HSPH1: variants seen among roughly 807,000 people sequenced by gnomAD.
The protein encoded by HSPH1 is heat shock protein family H (Hsp110) member 1.
A neutral mutation model predicts 100.0 loss-of-function variants in HSPH1; 40 were observed. The observed-to-expected ratio is 0.40, with a 90% CI of 0.31 to 0.52. The LOEUF is 0.52. HSPH1 is among the 20% of genes least tolerant of loss of function. The pLI, the probability that HSPH1 is intolerant of heterozygous loss-of-function variation, is 0.54. For missense variants in HSPH1, 876 were observed against 1,015.1 expected (o/e 0.86, Z 1.86); for synonymous variants, 403 against 344.0 (o/e 1.17, Z -1.90).
chr13:31,137,046 G>C lies in HSPH1; in HGVS notation c.*272C>G. The C allele has an allele frequency of 1.7e-6, 1 of 583,594 alleles. No homozygotes were observed. The highest frequency in any genetic ancestry group is 3.2e-6 in the Non-Finnish European group (1 of 309,428). The allele number at this position is 583,594 out of a possible 1,614,324, so 36.2% of individuals were successfully genotyped here. On this transcript the variant is annotated 3_prime_UTR_variant, in exon 18 of 18. Coordinates refer to ENST00000320027, the MANE Select transcript of HSPH1 (RefSeq NM_006644.4). ...TTTTTTCTCCAAAAGACAAAAGTCA[G>C]TTTCATCCTCAGTGATGCAAATGGT...
chr13:31,148,240 TTTGG>T, intron 9 of HSPH1, 130 bp downstream of exon 9: 1 of 1,080,424 alleles, frequency 9.3e-7, no homozygotes, highest in Non-Finnish European at 1.4e-6. Context: ...TTTTGGTAGA[TTTGG>T]TTGTTCAAAG....
At chr13:31,160,659 G>C (rs903779818) in intron 1 of HSPH1, among the ~76,000 whole-genome samples, 1 of 152,126 alleles carries the variant, frequency 6.6e-6, no homozygotes, top group Non-Finnish European at 1.5e-5. Context: ...ATTTAGTTCA[G>C]TGACGACATC....
chr13:31,160,299 T>C (rs1024392536), intron 1 of HSPH1, among the ~76,000 whole-genome samples: 1 of 152,142 alleles, frequency 6.6e-6, no homozygotes, highest in Admixed American at 6.5e-5. Context: ...TCTGCAGGGG[T>C]AGACGTACAG....
intron 6 of HSPH1, 160 bp from the exon 7 acceptor site, chr13:31,151,351 A>G (rs1956480474): frequency 1.3e-6 from 1 of 752,894 alleles, no homozygotes; most frequent in Non-Finnish European, 2.1e-6. Flanking sequence ...TCTCTAAGAT[A>G]TTTTTGACTT....
chr13:31,162,089 T>C (rs774288097), upstream of HSPH1: 1 of 1,536,116 alleles, frequency 6.5e-7, no homozygotes, highest in South Asian at 1.2e-5. Context: ...CGGCCGCCGT[T>C]GCCATGGCAG....
chr13:31,150,042 A>G lies in HSPH1; in HGVS notation c.1049T>C (p.Val350Ala). 1 of 1,613,838 alleles carries G rather than the reference A, an allele frequency of 6.2e-7. No individual in the cohort carries two copies. The highest frequency in any genetic ancestry group is 8.5e-7 in the Non-Finnish European group (1 of 1,179,830). ...IVGGATRIPA[V>A]KERIAKFFGK... is the part of the protein sequence containing the mutation. ...AAAGAATTTGGCAATTCTTTCCTTC[A>G]CAGCTGGAATTCGTGTAGCGCCTCC... Residue 350 changes from valine (V) to alanine (A), a missense_variant, in exon 8 of 18, where the codon GTG becomes GCG. Coordinates refer to ENST00000320027, the MANE Select transcript of HSPH1 (RefSeq NM_006644.4).
rs1427873244 is a variant in HSPH1 at position 31,136,241 on chromosome 13, A to G, written c.*1077T>C. On this transcript the variant is annotated 3_prime_UTR_variant, in exon 18 of 18. Coordinates refer to ENST00000320027, the MANE Select transcript of HSPH1 (RefSeq NM_006644.4). ...TACGTCTTTATAATGAACTCACTAC[A>G]TTTATGCAGTTACAACACTTGACTG... 1 of 152,202 alleles carries G rather than the reference A, an allele frequency of 6.6e-6. No homozygotes were observed. The highest frequency in any genetic ancestry group is 1.5e-5 in the Non-Finnish European group (1 of 68,040). 9.4% of individuals were successfully genotyped at this position (152,202 alleles called of 1,614,324 possible).
At chr13:31,142,470 G>A (rs1956130992) in intron 12 of HSPH1, among the ~76,000 whole-genome samples, 1 of 152,194 alleles carries the variant, frequency 6.6e-6, no homozygotes, top group Middle Eastern at 3.4e-3. Context: ...CTGAGGGCAT[G>A]AGCCACAGGA....
intron 2 of HSPH1, among the ~76,000 whole-genome samples, chr13:31,156,139 C>G (rs1840031892): frequency 6.6e-6 from 1 of 152,130 alleles, no homozygotes; most frequent in South Asian, 2.1e-4. Flanking sequence ...GCCTGTAATC[C>G]CAGCACTTTG....
chr13:31,151,053 G>C lies in HSPH1; in HGVS notation c.802C>G (p.Gln268Glu), dbSNP rs1371798076. ...AGCTTTTTCAGTTTTTCACATTCCTGATACAGACGTAGGAGTGCTCGTATT... is the reference window on the plus strand; with the variant it reads ...AGCTTTTTCAGTTTTTCACATTCCTCATACAGACGTAGGAGTGCTCGTATT... ...SKIRALLRLY[Q>E]ECEKLKKLMS... Residue 268 changes from glutamine (Q) to glutamate (E), a missense_variant, in exon 7 of 18, where the codon CAG becomes GAG. By Grantham distance (29) the Gln-to-Glu change is conservative. Transcript: ENST00000320027. 2 of 1,613,788 alleles carry C rather than the reference G, an allele frequency of 1.2e-6. No individual in the cohort carries two copies. Among genetic ancestry groups the C allele is most frequent in the South Asian group, 2.2e-5 (2 of 91,080 alleles).
chr13:31,149,481 C>G (rs753878915), intron 8 of HSPH1, among the ~76,000 whole-genome samples: 2 of 152,064 alleles, frequency 1.3e-5, no homozygotes, highest in Non-Finnish European at 2.9e-5. Context: ...TAACTTCATG[C>G]TTCTGGGCTG....
At chr13:31,142,016 C>T (rs1459903479) in intron 12 of HSPH1, among the ~76,000 whole-genome samples, 1 of 152,048 alleles carries the variant, frequency 6.6e-6, no homozygotes, top group East Asian at 1.9e-4. Flanking sequence ...TTTTCCAAGC[C>T]TTTGCTATGC....
At chr13:31,154,346 G>A (rs1255023293) in intron 4 of HSPH1, 2 of 444,354 alleles carry the variant, frequency 4.5e-6, no homozygotes, top group South Asian at 2.1e-5. Context: ...AAGCCTGATA[G>A]TGCAGCAACT....
At chr13:31,138,035 CTA>C (rs1025554708) in intron 17 of HSPH1, among the ~76,000 whole-genome samples, 8 of 152,110 alleles carry the variant, frequency 5.3e-5, no homozygotes, top group Non-Finnish European at 1.0e-4. Flanking sequence ...CTTTGTTTCC[CTA>C]TAGCACTTAA....
chr13:31,162,247 T>G (rs1420484948), upstream of HSPH1: 1 of 729,502 alleles, frequency 1.4e-6, no homozygotes, highest in African/African-American at 1.8e-5. Context: ...GGAGGTGGTG[T>G]CCGATCCTTA....
Position 31,152,925 on chromosome 13 carries a change from C to G in HSPH1, c.456G>C (p.Glu152Asp). ...GTGCAGCATCTAACACAGATCGCCT[C>G]TCAGCATCTGTAAAGAAGGAGGGGA... ...ISVPSFFTDAERRSVLDAAQI... is the reference protein window; with the variant it reads ...ISVPSFFTDADRRSVLDAAQI... Residue 152 changes from glutamate (E) to aspartate (D), a missense_variant, in exon 5 of 18, where the codon GAG (glutamate) becomes GAC (aspartate). Transcript: ENST00000320027. 1 of 1,612,296 alleles carries G rather than the reference C, an allele frequency of 6.2e-7. No individual in the cohort carries two copies. The highest frequency in any genetic ancestry group is 1.1e-5 in the South Asian group (1 of 91,030).
At chr13:31,161,321 G>T (rs906704925) in intron 1 of HSPH1, among the ~76,000 whole-genome samples, 155 bp downstream of exon 1, 9 of 152,144 alleles carry the variant, frequency 5.9e-5, no homozygotes, top group Admixed American at 4.6e-4. Context: ...TCCCTCCTCT[G>T]GCCGGGTCGC....
At position 31,135,047 on chromosome 13, in the gene HSPH1, T is replaced by G. The variant is rs1162844732; in HGVS notation, c.*2271A>C. ...TTAAAATGAATTGTAAAATTTAATC[T>G]TTAAACAGCATTTATTCAAACTGGT... On this transcript the variant is annotated 3_prime_UTR_variant, in exon 18 of 18. Transcript: ENST00000320027. The G allele has an allele frequency of 6.6e-6, 1 of 152,270 alleles. No individual in the cohort carries two copies. The highest frequency in any genetic ancestry group is 1.5e-5 in the Non-Finnish European group (1 of 68,048). The allele number at this position is 152,270 out of a possible 1,614,324, so 9.4% of individuals were successfully genotyped here.
At chr13:31,162,339 CA>C (rs937322186), upstream of HSPH1, 24 of 572,902 alleles carry the variant, frequency 4.2e-5, no homozygotes, top group African/African-American at 4.5e-4. Flanking sequence ...GGAGGCCGGC[CA>C]GCTGTCCGGA....
Sources: gnomAD v4.1 joint callset for allele counts (sites outside exome capture counted in the v4.1 genomes callset) on GRCh38, gnomAD v4.1.1 for gene constraint, MANE v1.5 for transcripts, NCBI Gene and HGNC (gene_info 2026-07-23, HGNC 2026-07-21) for gene names.